Variants in ATXN8OS observed in about 807,000 individuals in gnomAD.
ATXN8OS encodes the protein ATXN8 opposite strand lncRNA.
intron 2 of ATXN8OS, among the ~76,000 whole-genome samples, chr13:70,116,244 T>C (rs1888276529): frequency 6.6e-6 from 1 of 150,726 alleles, no homozygotes; most frequent in South Asian, 2.1e-4. Flanking sequence ...ATTCAACAAA[T>C]AGTAAGTGTA....
intron 2 of ATXN8OS, among the ~76,000 whole-genome samples, chr13:70,126,621 AT>A (rs1888441113): frequency 6.6e-6 from 1 of 151,598 alleles, no homozygotes; most frequent in Non-Finnish European, 1.5e-5. Flanking sequence ...ATATATATAT[AT>A]GAAATCTTAC....
intron 2 of ATXN8OS, among the ~76,000 whole-genome samples, chr13:70,123,679 A>G (rs1436809164): frequency 2.0e-5 from 3 of 152,168 alleles, no homozygotes; most frequent in Non-Finnish European, 4.4e-5. Context: ...TGTTAAGCCA[A>G]TAACAATTCA....
At chr13:70,109,521 G>A (rs2137465772) in intron 1 of ATXN8OS, among the ~76,000 whole-genome samples, 1 of 152,270 alleles carries the variant, frequency 6.6e-6, no homozygotes. Flanking sequence ...TAAATTTGGA[G>A]TCCTTAGGCA....
At chr13:70,163,164 T>C (rs977710564) in intron 4 of ATXN8OS, among the ~76,000 whole-genome samples, 6 of 152,128 alleles carry the variant, frequency 3.9e-5, no homozygotes, top group Non-Finnish European at 8.8e-5. Context: ...GTAACTGTTA[T>C]GTTTCTAAAT....
chr13:70,147,214 T>G (rs1246239827), intron 3 of ATXN8OS, among the ~76,000 whole-genome samples: 1 of 152,180 alleles, frequency 6.6e-6, no homozygotes, highest in Non-Finnish European at 1.5e-5. Flanking sequence ...AAAGAAATAT[T>G]GTTCACTGTT....
chr13:70,121,915 A>G (rs751173085), intron 2 of ATXN8OS, among the ~76,000 whole-genome samples: 3 of 152,004 alleles, frequency 2.0e-5, no homozygotes, highest in African/African-American at 2.4e-5. Flanking sequence ...AATTGAAAGG[A>G]TTTTGTGGGA....
At chr13:70,153,259 A>T (rs1406879016) in intron 4 of ATXN8OS, among the ~76,000 whole-genome samples, 2 of 152,132 alleles carry the variant, frequency 1.3e-5, no homozygotes, top group Admixed American at 6.6e-5. Flanking sequence ...GTCAAAAGGG[A>T]GATAAAACTT....
At chr13:70,164,486 G>C (rs1889056027) in intron 4 of ATXN8OS, among the ~76,000 whole-genome samples, 1 of 151,778 alleles carries the variant, frequency 6.6e-6, no homozygotes, top group Admixed American at 6.6e-5. Flanking sequence ...TAAAAAATTA[G>C]GATATTTCAT....
chr13:70,150,382 C>G (rs1397472312), intron 4 of ATXN8OS, among the ~76,000 whole-genome samples: 1 of 152,006 alleles, frequency 6.6e-6, no homozygotes, highest in Non-Finnish European at 1.5e-5. Flanking sequence ...AGGGTAACAA[C>G]AATTGCCTAG....
rs143087233 is a variant in ATXN8OS, at chr13:70,114,340, A to G, written n.241-801A>G. ...AGTCACTGGCCATCATGGCACATGT[A>G]AATTCTCTTTCTTTATTGCTCAAAG... On this transcript the variant is annotated intron_variant and non_coding_transcript_variant, in intron 1 of 4. Transcript: ENST00000678624. Among the ~76,000 whole-genome samples the G allele has an allele frequency of 2.0e-5, 3 of 152,278 alleles. No individual in the cohort carries two copies. The East Asian group carries it at 5.8e-4, about 29-fold the overall frequency.
chr13:70,146,509 C>A (rs1888788835), intron 3 of ATXN8OS, among the ~76,000 whole-genome samples: 1 of 152,114 alleles, frequency 6.6e-6, no homozygotes, highest in South Asian at 2.1e-4. Flanking sequence ...GACTTGAAAC[C>A]AACCCAAATG....
chr13:70,128,683 A>G (rs1163705523), intron 2 of ATXN8OS, among the ~76,000 whole-genome samples: 2 of 152,152 alleles, frequency 1.3e-5, no homozygotes, highest in Non-Finnish European at 2.9e-5. Context: ...GTTTCCCATA[A>G]TGCAAAATTT....
At chr13:70,165,256 G>C (rs1164401600) in intron 4 of ATXN8OS, among the ~76,000 whole-genome samples, 1 of 151,618 alleles carries the variant, frequency 6.6e-6, no homozygotes, top group Non-Finnish European at 1.5e-5. Context: ...AAAAGAAAGA[G>C]AACTCCATTA....
chr13:70,144,917 T>C (rs968028616), intron 3 of ATXN8OS, among the ~76,000 whole-genome samples: 29 of 152,162 alleles, frequency 1.9e-4, no homozygotes, highest in African/African-American at 7.0e-4. Flanking sequence ...GTAAAGAAAA[T>C]TTCTAAGTGT....
chr13:70,124,327 A>G (rs539464923), intron 2 of ATXN8OS, among the ~76,000 whole-genome samples: 1 of 151,246 alleles, frequency 6.6e-6, no homozygotes, highest in Non-Finnish European at 1.5e-5. Flanking sequence ...AAGCAAATAT[A>G]TAAGTAAATA....
chr13:70,124,688 T>C (rs1167709201), intron 2 of ATXN8OS, among the ~76,000 whole-genome samples: 2 of 152,134 alleles, frequency 1.3e-5, no homozygotes, highest in African/African-American at 2.4e-5. Flanking sequence ...GTTGTTGTTA[T>C]TGTTTTTTTT....
At chr13:70,128,172 A>C (rs1346319628) in intron 2 of ATXN8OS, among the ~76,000 whole-genome samples, 1 of 152,148 alleles carries the variant, frequency 6.6e-6, no homozygotes, top group Non-Finnish European at 1.5e-5. Flanking sequence ...TAGGCATTTA[A>C]AACTTGATTT....
chr13:70,169,620 T>C (rs1593781209), intron 4 of ATXN8OS, among the ~76,000 whole-genome samples: 2 of 152,116 alleles, frequency 1.3e-5, no homozygotes, highest in East Asian at 3.9e-4. Context: ...TGAAAGAGTA[T>C]TGTCATAAGT....
intron 1 of ATXN8OS, among the ~76,000 whole-genome samples, chr13:70,108,906 A>G (rs1046716950): frequency 6.6e-6 from 1 of 152,164 alleles, no homozygotes; most frequent in Non-Finnish European, 1.5e-5. Flanking sequence ...TTCTGCTATT[A>G]AGGCACCCAG....
Sources: allele counts gnomAD v4.1 joint callset (sites outside exome capture counted in the v4.1 genomes callset), GRCh38; gene constraint gnomAD v4.1.1; transcripts MANE v1.5; gene names NCBI Gene and HGNC (gene_info 2026-07-23, HGNC 2026-07-21).